The following AGAP2 variants were observed in gnomAD, a reference collection of about 807,000 sequenced individuals.
AGAP2 encodes the protein arf-GAP with GTPase, ANK repeat and PH domain-containing protein 2.
In AGAP2, 32 loss-of-function variants were observed where a neutral mutation model predicts 110.9. That is an observed-to-expected ratio of 0.29 (90% CI 0.22 to 0.39). The LOEUF (loss-of-function observed/expected upper bound fraction) is 0.39. Among genes scored for constraint, AGAP2 ranks in the 10% least tolerant of loss-of-function variants. The pLI, the probability that AGAP2 is intolerant of heterozygous loss-of-function variation, is 1.00. For synonymous variants in AGAP2, 702 were observed against 713.0 expected (o/e 0.98, Z 0.25); for missense variants, 1,285 against 1,638.5 (o/e 0.78, Z 3.72).
chr12:57,725,276 C>T lies in AGAP2; in HGVS notation c.*1276G>A, dbSNP rs1005105821. ...TCCAAGGAGATGGGGGGGCATTTCCCCCTTGCCCCCACCTCTCTCCCCTCC... is the reference window on the plus strand; with the variant it reads ...TCCAAGGAGATGGGGGGGCATTTCCTCCTTGCCCCCACCTCTCTCCCCTCC... On this transcript the variant is annotated 3_prime_UTR_variant, in exon 19 of 19. Transcript: ENST00000547588. 3 of 152,328 alleles carry T rather than the reference C, an allele frequency of 2.0e-5. No individual in the cohort carries two copies. Among genetic ancestry groups the T allele is most frequent in the Non-Finnish European group, 4.4e-5 (3 of 68,006 alleles). The allele number at this position is 152,328 out of a possible 1,614,324, so 9.4% of individuals were successfully genotyped here.
chr12:57,741,893 G>T (rs778040700), upstream of AGAP2: 1 of 1,609,098 alleles, frequency 6.2e-7, no homozygotes, highest in South Asian at 1.1e-5. Context: ...CCCAAGTTGA[G>T]GGCTGACCTT....
At chr12:57,729,866 G>C (rs899933127) in intron 12 of AGAP2, 99 bp from the exon 13 acceptor site, 1 of 1,492,264 alleles carries the variant, frequency 6.7e-7, no homozygotes, top group African/African-American at 1.4e-5. Context: ...TGGCATTTTA[G>C]GGCTCCCCTC....
intron 12 of AGAP2, 188 bp downstream of exon 12, chr12:57,730,307 T>C: frequency 1.2e-6 from 1 of 849,880 alleles, no homozygotes; most frequent in Non-Finnish European, 1.8e-6. Context: ...GCTCAGGCAG[T>C]TGACGTTAGA....
chr12:57,727,228 C>T lies in AGAP2; in HGVS notation c.3082G>A (p.Glu1028Lys), dbSNP rs1555197837. 1 of 1,612,498 alleles carries T rather than the reference C, an allele frequency of 6.2e-7. No homozygotes were observed. Among genetic ancestry groups the T allele is most frequent in the Non-Finnish European group, 8.5e-7 (1 of 1,179,806 alleles). The change falls in exon 18 of 19, where the codon GAG becomes AAG. Residue 1028 changes from glutamate (E) to lysine (K), a missense_variant and splice_region_variant. This residue lies in a region of AGAP2 where 201 missense variants were observed against 276.1 expected (regional missense o/e 0.73). Transcript: ENST00000547588. ...GCGCGAATCCACGACTCGCGCTCCT[C>T]CCTGCAAGACCAGGGATCAACGGAA... ...RAKPSRDSSR[E>K]ERESWIRAKY...
chr12:57,737,446 G>A lies in AGAP2; in HGVS notation c.801C>T (p.Ser267=). ...AGGTCTTACTCTTGCCTTTCCGAGGGGACAACTTCCCTCGGGCTCCAGCCC... is the reference window on the plus strand; with the variant it reads ...AGGTCTTACTCTTGCCTTTCCGAGGAGACAACTTCCCTCGGGCTCCAGCCC... The part of the protein sequence containing the change: ...GAGAGARGKL[S]PRKGKSKTLD... The change falls in exon 1 of 19, where the codon TCC becomes TCT. Residue 267 remains serine, a synonymous_variant. Transcript: ENST00000547588. This position sits in a 1 kb window ranked among gnomAD's most constrained non-coding sequence, Gnocchi z 5.9. The A allele has an allele frequency of 6.2e-7, 1 of 1,613,470 alleles. No homozygotes were observed. The highest frequency in any genetic ancestry group is 8.5e-7 in the Non-Finnish European group (1 of 1,179,754).
upstream of AGAP2, chr12:57,741,959 T>C: frequency 1.2e-6 from 2 of 1,613,896 alleles, no homozygotes; most frequent in Non-Finnish European, 1.7e-6. Flanking sequence ...GAGTTCGGGG[T>C]CGTCCACCCT....
Position 57,726,902 on chromosome 12 carries a change from G to T in AGAP2, c.3336+72C>A. 6.8e-7 allele frequency: 1 copy of T among 1,481,278 alleles called. No individual in the cohort carries two copies. Among genetic ancestry groups the T allele is most frequent in the South Asian group, 1.4e-5 (1 of 72,892 alleles). 91.8% of individuals were successfully genotyped at this position (1,481,278 alleles called of 1,614,324 possible). ...CTTCCGGGGTCCCTCTGGGAATTTCGGGCTTTCCCGCGCCAGGCGTTTTCC... is the reference window on the plus strand; with the variant it reads ...CTTCCGGGGTCCCTCTGGGAATTTCTGGCTTTCCCGCGCCAGGCGTTTTCC... On this transcript the variant is annotated intron_variant, in intron 18 of 18. Transcript: ENST00000547588. This position sits in a 1 kb window ranked among gnomAD's most constrained non-coding sequence, Gnocchi z 5.7.
rs34772922 is a variant in AGAP2 at position 57,726,992 on chromosome 12, G to A, written c.3318C>T (p.Ile1106=). ...HLAAELAHVV[I]TQLLLWYGAD... is the part of the protein sequence containing the mutation. ...CACGTACCCACAGCAGCAGTTGCGT[G>A]ATGACGACGTGGGCGAGCTCGGCCG... The change falls in exon 18 of 19, where the codon ATC becomes ATT. Residue 1106 remains isoleucine, a synonymous_variant. Transcript: ENST00000547588. The surrounding 1 kb of genome is among the most constrained non-coding windows in gnomAD (Gnocchi z 5.7). 6.3e-7 allele frequency: 1 copy of A among 1,595,670 alleles called. No homozygotes were observed. The highest frequency in any genetic ancestry group is 1.3e-5 in the African/African-American group (1 of 74,550).
At chr12:57,729,048 T>C (rs1485081317) in intron 13 of AGAP2, among the ~76,000 whole-genome samples, 1 of 151,490 alleles carries the variant, frequency 6.6e-6, no homozygotes, top group Non-Finnish European at 1.5e-5. Context: ...TGGTGGCAAG[T>C]GCCTGTAGTC....
rs574354939 is a variant in AGAP2 at position 57,732,489 on chromosome 12, G to A, written c.1708C>T (p.Arg570Cys). 19 of 1,590,838 alleles carry A rather than the reference G, an allele frequency of 1.2e-5. No homozygotes were observed. The highest frequency in any genetic ancestry group is 6.8e-5 in the East Asian group (3 of 43,966). The change falls in exon 7 of 19, where the codon CGC (arginine) becomes TGC (cysteine). Residue 570 changes from arginine (R) to cysteine (C), a missense_variant. Arg to Cys is a radical substitution (Grantham distance 180). Coordinates refer to ENST00000547588, the MANE Select transcript of AGAP2 (RefSeq NM_001122772.3). ...GCAGCCAGAAGCTGTTGCTGCTTGC[G>A]CAAGGTCACCACCTTCTGGGCCACT... ...QEVAQKVVTL[R>C]KQQQLLAACK... is the part of the protein sequence containing the mutation.
In AGAP2 at chr12:57,735,416, T is replaced by C. The variant is rs745555799; in HGVS notation, c.1180A>G (p.Asn394Asp). 13 of 1,613,642 alleles carry C rather than the reference T, an allele frequency of 8.1e-6. No individual in the cohort carries two copies. Among genetic ancestry groups the C allele is most frequent in the African/African-American group, 2.7e-5 (2 of 74,866 alleles). The change falls in exon 2 of 19, where the codon AAT becomes GAT. Residue 394 changes from asparagine (N) to aspartate (D), a missense_variant. Asn to Asp is a conservative substitution (Grantham distance 23, BLOSUM62 1). Coordinates refer to ENST00000547588, the MANE Select transcript of AGAP2 (RefSeq NM_001122772.3). ...CGGCTCAAAGTCCATTCCTGGCTAT[T>C]GATCACAGCCTCTGTAACGGGAGAA... ...ELRASPKAVI[N>D]SQEWTLSRSI...
chr12:57,730,060 T>C (rs1954854756), intron 12 of AGAP2, among the ~76,000 whole-genome samples: 1 of 152,226 alleles, frequency 6.6e-6, no homozygotes, highest in Non-Finnish European at 1.5e-5. Context: ...GTAATAATCT[T>C]GACCTGACAA....
At chr12:57,730,671 G>T in intron 11 of AGAP2, 57 bp from the exon 12 acceptor site, 2 of 1,605,938 alleles carry the variant, frequency 1.2e-6, no homozygotes, top group South Asian at 2.2e-5. Flanking sequence ...CATTCCTTAT[G>T]TGGTCCCTCT....
chr12:57,740,515 G>C (rs1955064560), upstream of AGAP2, among the ~76,000 whole-genome samples: 1 of 152,174 alleles, frequency 6.6e-6, no homozygotes, highest in Admixed American at 6.5e-5. Context: ...CTTATGAGGA[G>C]TGAAGCCTTC....
intron 1 of AGAP2, among the ~76,000 whole-genome samples, chr12:57,736,465 G>A (rs11830475): frequency 0.015 from 2,258 of 152,260 alleles, 55 homozygotes; most frequent in African/African-American, 0.051. Context: ...GGGAGGGGGT[G>A]GGCAGTGGGG....
rs777644941 is a variant in AGAP2, at chr12:57,732,860, G to A, written c.1669C>T (p.Arg557Trp). 6.2e-6 allele frequency: 10 copies of A among 1,613,724 alleles called. No homozygotes were observed. The highest frequency in any genetic ancestry group is 1.1e-5 in the South Asian group (1 of 91,068). The change falls in exon 6 of 19, where the codon CGG becomes TGG. Residue 557 changes from arginine (R) to tryptophan (W), a missense_variant. Physicochemically the swap from Arg to Trp is moderately radical, Grantham distance 101. Coordinates refer to ENST00000547588, the MANE Select transcript of AGAP2 (RefSeq NM_001122772.3). ...CTACACTCACCCTCCTGGAAGACCCGATCCACATTGAGCCCATAGGTTGCA... is the reference window on the plus strand; with the variant it reads ...CTACACTCACCCTCCTGGAAGACCCAATCCACATTGAGCCCATAGGTTGCA... ...TCATYGLNVD[R>W]VFQEVAQKVV...
rs774092779 is a variant in AGAP2 at position 57,731,900 on chromosome 12, C to T, written c.1862G>A (p.Arg621Gln). ...TGCAGCTGCCTCGGCTCGGAGCTCC[C>T]GGTGACCAACATTCGGTGAGGACGG... Reference protein sequence around the residue: ...SLPSSPNVGHRELRAEAAAVA... With the variant: ...SLPSSPNVGHQELRAEAAAVA... Residue 621 changes from arginine to glutamine, a missense_variant, in exon 8 of 19, where the codon CGG (arginine) becomes CAG (glutamine). Around this residue, in one of 7 missense-constraint regions of AGAP2, gnomAD observed 844 missense variants for 941.2 expected, o/e 0.90. Transcript: ENST00000547588. 30 of 1,612,792 alleles carry T rather than the reference C, an allele frequency of 1.9e-5. No homozygotes were observed. The South Asian group carries it at 2.6e-4, about 14-fold the overall frequency.
chr12:57,734,219 C>A, intron 4 of AGAP2, 46 bp from the exon 5 acceptor site: 1 of 1,609,830 alleles, frequency 6.2e-7, no homozygotes, highest in South Asian at 1.1e-5. Flanking sequence ...CAGGTCTACT[C>A]CTCTGGACCC....
Position 57,726,607 on chromosome 12 carries a change from C to A in AGAP2, c.3524G>T (p.Arg1175Leu). 1.7e-6 allele frequency: 2 copies of A among 1,201,272 alleles called. No individual in the cohort carries two copies. Among genetic ancestry groups the A allele is most frequent in the Non-Finnish European group, 2.1e-6 (2 of 968,252 alleles). The allele number at this position is 1,201,272 out of a possible 1,614,324, so 74.4% of individuals were successfully genotyped here. ...PSITATPSPR[R>L]RSSAASVGRA... ...GCCCACGCTAGCGGCGCTGCTCCGG[C>A]GGCGGGGGCTGGGCGTGGCGGTGAT... The change falls in exon 19 of 19, where the codon CGC (arginine) becomes CTC (leucine). Residue 1175 changes from arginine to leucine, a missense_variant. Arg to Leu is a moderately radical substitution (Grantham distance 102). Around this residue, in one of 7 missense-constraint regions of AGAP2, gnomAD observed 201 missense variants for 276.1 expected, o/e 0.73. Transcript: ENST00000547588. This position sits in a 1 kb window ranked among gnomAD's most constrained non-coding sequence, Gnocchi z 5.7.
Sources: allele counts gnomAD v4.1 joint callset (sites outside exome capture counted in the v4.1 genomes callset), GRCh38; gene constraint gnomAD v4.1.1; regional missense constraint gnomAD v4.1.1; non-coding constraint Gnocchi (gnomAD v3.1); transcripts MANE v1.5; gene names NCBI Gene and HGNC (gene_info 2026-07-23, HGNC 2026-07-21).